The following MNS1 variants were observed in gnomAD, a reference collection of about 807,000 sequenced individuals.
The protein encoded by MNS1 is meiosis-specific nuclear structural protein 1.
Under a neutral mutation model 72.0 loss-of-function variants are expected in MNS1, and 63 were observed. The ratio of observed to expected loss-of-function variants is 0.87; its 90% confidence interval spans 0.71 to 1.08. MNS1 has a LOEUF of 1.08. Among genes scored for constraint, MNS1 ranks in the 50% least tolerant of loss-of-function variants. The probability of loss-of-function intolerance (pLI) is 0.00; values close to 1 mark genes in which losing one functional copy is unlikely to be tolerated. For synonymous variants in MNS1, 188 were observed against 172.1 expected (o/e 1.09, Z -0.72); for missense variants, 604 against 562.4 (o/e 1.07, Z -0.75).
At chr15:56,447,174 G>A in intron 3 of MNS1, 1 of 369,656 alleles carries the variant, frequency 2.7e-6, no homozygotes. Flanking sequence ...TCATCTGTTT[G>A]CTTATCCTGT....
chr15:56,440,752 C>A (rs2050802982), intron 7 of MNS1, among the ~76,000 whole-genome samples: 1 of 152,254 alleles, frequency 6.6e-6, no homozygotes, highest in East Asian at 1.9e-4. Flanking sequence ...ATATAACATT[C>A]CTGAGGCACA....
intron 1 of MNS1, 21 bp from the exon 2 acceptor site, chr15:56,464,268 AG>A (rs1193264587): frequency 1.3e-6 from 2 of 1,511,830 alleles, no homozygotes; most frequent in Admixed American, 4.2e-5. Context: ...AGAAAAAAAA[AG>A]ATGCATATTT....
In MNS1 at chr15:56,431,495, G is replaced by A. The variant is rs1247769391; in HGVS notation, c.1273C>T (p.Arg425Cys). The change falls in exon 9 of 10, where the codon CGT becomes TGT. Residue 425 changes from arginine to cysteine, a missense_variant. Physicochemically the swap from Arg to Cys is radical, Grantham distance 180. Coordinates refer to ENST00000260453, the MANE Select transcript of MNS1 (RefSeq NM_018365.4). ...TGCAACTGCCACTCTTCTAGTTCAC[G>A]TTGCTGGAAATGCAGATCAAATTTT... ...RRQQFLADKQ[R>C]ELEEWQLQQR... 1 of 1,613,374 alleles carries A rather than the reference G, an allele frequency of 6.2e-7. No individual in the cohort carries two copies. Among genetic ancestry groups the A allele is most frequent in the Non-Finnish European group, 8.5e-7 (1 of 1,179,854 alleles).
intron 3 of MNS1, 103 bp downstream of exon 3, chr15:56,456,291 G>C (rs2050981228): frequency 9.5e-7 from 1 of 1,053,048 alleles, no homozygotes; most frequent in Middle Eastern, 3.0e-4. Flanking sequence ...TATTAACTAA[G>C]TGAAATGACA....
chr15:56,462,176 A>C (rs1233552261), intron 2 of MNS1, among the ~76,000 whole-genome samples: 7 of 151,836 alleles, frequency 4.6e-5, no homozygotes, highest in Admixed American at 4.6e-4. Context: ...GCCCAAGGTG[A>C]AGTTCTTTAC....
intron 3 of MNS1, among the ~76,000 whole-genome samples, chr15:56,456,138 C>A (rs1442862398): frequency 1.3e-5 from 2 of 151,988 alleles, no homozygotes; most frequent in Non-Finnish European, 2.9e-5. Flanking sequence ...TATAAGAGGT[C>A]ATTTTAAAAT....
chr15:56,463,799 A>G, intron 2 of MNS1: 1 of 476,694 alleles, frequency 2.1e-6, no homozygotes, highest in Non-Finnish European at 3.7e-6. Flanking sequence ...AAAAAAGTAA[A>G]AGCAACTTAC....
At position 56,465,012 on chromosome 15, in the gene MNS1, C is replaced by G; in HGVS notation, c.-40G>C. The G allele has an allele frequency of 6.3e-7, 1 of 1,594,432 alleles. No individual in the cohort carries two copies. The highest frequency in any genetic ancestry group is 8.5e-7 in the Non-Finnish European group (1 of 1,171,708). On this transcript the variant is annotated 5_prime_UTR_variant, in exon 1 of 10. Coordinates refer to ENST00000260453, the MANE Select transcript of MNS1 (RefSeq NM_018365.4). ...AATACCCCCTCTCGTGGGACCGCGG[C>G]CACCACCTCCCGCCGCAAACGCAGC... is the stretch of plus-strand genomic sequence containing the variant.
At position 56,434,153 on chromosome 15, in the gene MNS1, T is replaced by C. The variant is rs750837438; in HGVS notation, c.1254A>G (p.Gln418=). The change falls in exon 8 of 10, where the codon CAA becomes CAG. Residue 418 remains glutamine, a synonymous_variant. Transcript: ENST00000260453. ...VEKLIEERRQ[Q]FLADKQRELE... ...TTTTTCTTACTTTGTCTGCAAGGAA[T>C]TGTTGGCGACGCTCTTCAATAAGTT... 2 of 1,610,718 alleles carry C rather than the reference T, an allele frequency of 1.2e-6. No homozygotes were observed. The highest frequency in any genetic ancestry group is 2.7e-5 in the African/African-American group (2 of 74,358).
intron 4 of MNS1, chr15:56,445,600 A>C (rs1280539147): frequency 6.6e-6 from 1 of 152,046 alleles, no homozygotes; most frequent in Non-Finnish European, 1.5e-5. Context: ...CTTTATTAAA[A>C]AATGAGATGA....
At chr15:56,461,420 G>T (rs1237522926) in intron 2 of MNS1, among the ~76,000 whole-genome samples, 1 of 152,100 alleles carries the variant, frequency 6.6e-6, no homozygotes, top group Non-Finnish European at 1.5e-5. Flanking sequence ...CAGCACTTTG[G>T]GAGGCCGAGG....
intron 7 of MNS1, among the ~76,000 whole-genome samples, chr15:56,442,321 G>A (rs568759159): frequency 7.9e-5 from 12 of 152,212 alleles, no homozygotes; most frequent in African/African-American, 2.2e-4. Context: ...GCACTGTGGC[G>A]ACTCCCCAAA....
Position 56,464,051 on chromosome 15 carries a change from A to G in MNS1, c.200T>C (p.Leu67Ser), listed in dbSNP as rs879688462. 3 of 1,613,314 alleles carry G rather than the reference A, an allele frequency of 1.9e-6. No individual in the cohort carries two copies. Among genetic ancestry groups the G allele is most frequent in the Non-Finnish European group, 2.5e-6 (3 of 1,179,794 alleles). ...CTTTTGAATGGCCTCTTCCATATCC[A>G]ACTCAAATTGTTCATTTTGTAATAA... ...LRLLQNEQFE[L>S]DMEEAIQKAE... Residue 67 changes from leucine to serine, a missense_variant, in exon 2 of 10, where the codon TTG becomes TCG. Physicochemically the swap from Leu to Ser is moderately radical, Grantham distance 145. Coordinates refer to ENST00000260453, the MANE Select transcript of MNS1 (RefSeq NM_018365.4).
chr15:56,443,583 C>G (rs1596262006), intron 6 of MNS1, 46 bp from the exon 7 acceptor site: 1 of 1,584,940 alleles, frequency 6.3e-7, no homozygotes, highest in East Asian at 2.2e-5. Flanking sequence ...GATCCAAATT[C>G]TGTAACTAAT....
At chr15:56,459,224 G>A (rs949997344) in intron 2 of MNS1, among the ~76,000 whole-genome samples, 1 of 152,112 alleles carries the variant, frequency 6.6e-6, no homozygotes, top group Non-Finnish European at 1.5e-5. Flanking sequence ...GTGGCCTTTT[G>A]TATCTGGTTT....
Position 56,464,069 on chromosome 15 carries a change from T to C in MNS1, c.182A>G (p.Gln61Arg). ...VQRKQFLRLL[Q>R]NEQFELDMEE... The stretch of plus-strand genomic sequence containing the variant: ...CATATCCAACTCAAATTGTTCATTT[T>C]GTAATAATCTGAGAAATTGCTTGCG... The change falls in exon 2 of 10, where the codon CAA becomes CGA. Residue 61 changes from glutamine to arginine, a missense_variant. Coordinates refer to ENST00000260453, the MANE Select transcript of MNS1 (RefSeq NM_018365.4). 6.2e-7 allele frequency: 1 copy of C among 1,613,844 alleles called. No individual in the cohort carries two copies. Among genetic ancestry groups the C allele is most frequent in the Non-Finnish European group, 8.5e-7 (1 of 1,179,960 alleles).
At chr15:56,448,136 G>C (rs2050921301) in intron 3 of MNS1, among the ~76,000 whole-genome samples, 1 of 152,176 alleles carries the variant, frequency 6.6e-6, no homozygotes, top group South Asian at 2.1e-4. Flanking sequence ...TGTGGTCACA[G>C]GCTTTCATTT....
chr15:56,432,982 G>A (rs1266917246), intron 8 of MNS1, among the ~76,000 whole-genome samples: 1 of 152,110 alleles, frequency 6.6e-6, no homozygotes. Context: ...GACAATATAA[G>A]TATTTAGTTT....
chr15:56,451,401 G>A (rs547318472), intron 3 of MNS1, among the ~76,000 whole-genome samples: 2 of 152,214 alleles, frequency 1.3e-5, no homozygotes, highest in South Asian at 4.1e-4. Flanking sequence ...GCTTTTTCTT[G>A]TTTCAGCATT....
Sources: gnomAD v4.1 joint callset for allele counts (sites outside exome capture counted in the v4.1 genomes callset) on GRCh38, gnomAD v4.1.1 for gene constraint, MANE v1.5 for transcripts, NCBI Gene and HGNC (gene_info 2026-07-23, HGNC 2026-07-21) for gene names.